Variants in RPS6KC1 observed in about 807,000 individuals in gnomAD.
RPS6KC1 encodes the protein inactive ribosomal protein S6 kinase delta-1.
In RPS6KC1, 54 loss-of-function variants were observed where a neutral mutation model predicts 103.8. The ratio of observed to expected loss-of-function variants is 0.52; its 90% CI spans 0.42 to 0.65. The LOEUF is 0.65. Among genes scored for constraint, RPS6KC1 ranks in the 30% least tolerant of loss-of-function variants. The probability of loss-of-function intolerance (pLI) is 0.00; values close to 1 mark genes in which losing one functional copy is unlikely to be tolerated. For missense variants in RPS6KC1, 1,151 were observed against 1,253.8 expected, an observed-to-expected ratio of 0.92 and a Z score of 1.24; for synonymous variants, 439 against 438.7, an observed-to-expected ratio of 1.00 and a Z score of -0.01.
the RPS6KC1 span, among the ~76,000 whole-genome samples, chr1:213,643,016 A>G: frequency 1.3e-5 from 2 of 151,782 alleles, no homozygotes; most frequent in Non-Finnish European, 2.9e-5. Context: ...GCTATATTTT[A>G]TTTCATTGGT....
intron 3 of RPS6KC1, among the ~76,000 whole-genome samples, chr1:213,078,994 T>C (rs1480321674): frequency 1.3e-5 from 2 of 152,204 alleles, no homozygotes; most frequent in Non-Finnish European, 2.9e-5. Context: ...TTTTTACCCA[T>C]CTATGTATAG....
At chr1:213,750,513 C>T in the RPS6KC1 span, among the ~76,000 whole-genome samples, 1 of 152,236 alleles carries the variant, frequency 6.6e-6, no homozygotes, top group East Asian at 1.9e-4. Flanking sequence ...AGGACCCCAG[C>T]CAGGGTGCTG....
At chr1:213,289,616 C>T in the RPS6KC1 span, among the ~76,000 whole-genome samples, 1 of 152,158 alleles carries the variant, frequency 6.6e-6, no homozygotes, top group Non-Finnish European at 1.5e-5. Context: ...ATGGGTGTAG[C>T]ATAACTGAAG....
At chr1:213,392,377 C>T in the RPS6KC1 span, among the ~76,000 whole-genome samples, 2 of 151,954 alleles carry the variant, frequency 1.3e-5, no homozygotes, top group African/African-American at 2.4e-5. Context: ...GCAGCAAAAG[C>T]ACCAGGGTGG....
At chr1:213,387,026 G>T in the RPS6KC1 span, among the ~76,000 whole-genome samples, 1 of 152,178 alleles carries the variant, frequency 6.6e-6, no homozygotes, top group African/African-American at 2.4e-5. Flanking sequence ...ACCAACTATT[G>T]CTAGAGCGCC....
Position 213,241,211 on chromosome 1 carries a change from G to T in RPS6KC1, c.1735G>T (p.Glu579Ter). The T allele has an allele frequency of 6.2e-7, 1 of 1,613,806 alleles. No homozygotes were observed. The highest frequency in any genetic ancestry group is 1.3e-5 in the African/African-American group (1 of 75,032). ...ELKFFPNDDP[E>*]AVSSPRTSDS... is the part of the protein sequence containing the mutation. ...GAAGTTCTTCCCCAACGATGACCCA[G>T]AAGCAGTTAGTTCTCCAAGAACATC... Residue 579 changes from glutamate (E) to a stop codon, truncating the protein, a stop_gained, in exon 11 of 15, where the codon GAA becomes TAA. Coordinates refer to ENST00000366960, the MANE Select transcript of RPS6KC1 (RefSeq NM_012424.6). LOFTEE classifies it high-confidence loss of function.
At chr1:213,523,716 A>G in the RPS6KC1 span, among the ~76,000 whole-genome samples, 2 of 152,218 alleles carry the variant, frequency 1.3e-5, no homozygotes, top group Non-Finnish European at 2.9e-5. Context: ...ATAGGCACAG[A>G]AAGTGTAATT....
At chr1:213,825,344 G>C in the RPS6KC1 span, among the ~76,000 whole-genome samples, 1 of 152,172 alleles carries the variant, frequency 6.6e-6, no homozygotes, top group East Asian at 1.9e-4. Flanking sequence ...GATACAGAAA[G>C]ATTTAAAGGC....
chr1:213,707,393 G>T, the RPS6KC1 span, among the ~76,000 whole-genome samples: 1 of 151,886 alleles, frequency 6.6e-6, no homozygotes, highest in Admixed American at 6.6e-5. Context: ...TTTTGATGGG[G>T]TTGTTTTTTT....
At chr1:213,587,059 C>T in the RPS6KC1 span, among the ~76,000 whole-genome samples, 29 of 152,200 alleles carry the variant, frequency 1.9e-4, no homozygotes, top group African/African-American at 6.5e-4. Context: ...TCAGCAATAA[C>T]TCATCTATTC....
At chr1:213,451,044 G>A in the RPS6KC1 span, among the ~76,000 whole-genome samples, 1 of 152,088 alleles carries the variant, frequency 6.6e-6, no homozygotes, top group Non-Finnish European at 1.5e-5. Flanking sequence ...TCTTGGGTAA[G>A]TTTATTGGAA....
In RPS6KC1 at chr1:213,051,507, C is replaced by G. The variant is rs1361030233; in HGVS notation, c.103C>G (p.Arg35Gly). The part of the protein sequence containing the change: ...RGYTVYKVTA[R>G]VVSRRNPEDV... ...CTACACAGTATATAAGGTCACCGCC[C>G]GGGTGAGTGCCGGTGTCGGGCTGGG... Residue 35 changes from arginine to glycine, a missense_variant and splice_region_variant, in exon 1 of 15, where the codon CGG becomes GGG. Physicochemically the swap from Arg to Gly is moderately radical, Grantham distance 125. Around this residue, in one of 3 missense-constraint regions of RPS6KC1, gnomAD observed 959 missense variants for 1,006.3 expected, o/e 0.95. Transcript: ENST00000366960. 2.5e-6 allele frequency: 4 copies of G among 1,605,220 alleles called. No homozygotes were observed. The highest frequency in any genetic ancestry group is 2.7e-5 in the African/African-American group (2 of 74,596).
intron 8 of RPS6KC1, among the ~76,000 whole-genome samples, chr1:213,222,147 G>GT (rs1310032739): frequency 6.6e-6 from 1 of 152,146 alleles, no homozygotes; most frequent in Non-Finnish European, 1.5e-5. Flanking sequence ...TGAGCAGTGG[G>GT]TACAGGGAAC....
At chr1:213,592,521 A>G in the RPS6KC1 span, among the ~76,000 whole-genome samples, 4 of 152,212 alleles carry the variant, frequency 2.6e-5, no homozygotes, top group Non-Finnish European at 4.4e-5. Flanking sequence ...TAGGGGTAGC[A>G]GGTGCTCTCC....
chr1:213,553,742 ATC>A, the RPS6KC1 span, among the ~76,000 whole-genome samples: 1 of 152,080 alleles, frequency 6.6e-6, no homozygotes, highest in African/African-American at 2.4e-5. Flanking sequence ...GTGAGATACT[ATC>A]TCATTGTGGT....
At chr1:213,172,977 CA>C (rs2091592073) in intron 7 of RPS6KC1, among the ~76,000 whole-genome samples, 1 of 152,164 alleles carries the variant, frequency 6.6e-6, no homozygotes, top group Non-Finnish European at 1.5e-5. Flanking sequence ...CGCAATGGGC[CA>C]AGTTTCCCCT....
At chr1:213,602,028 CTCTTTCTCTT>C in the RPS6KC1 span, among the ~76,000 whole-genome samples, 1 of 11,898 alleles carries the variant, frequency 8.4e-5, no homozygotes, top group African/African-American at 2.0e-4. Context: ...TTCTTTCTTT[CTCTTTCTCTT>C]TCTTTCTTTC....
the RPS6KC1 span, among the ~76,000 whole-genome samples, chr1:213,649,307 C>T: frequency 6.6e-6 from 1 of 151,894 alleles, no homozygotes; most frequent in African/African-American, 2.4e-5. Flanking sequence ...TAACTAATGC[C>T]TGATCATCTT....
chr1:213,785,630 G>A, the RPS6KC1 span, among the ~76,000 whole-genome samples: 2 of 152,058 alleles, frequency 1.3e-5, no homozygotes, highest in East Asian at 3.9e-4. Flanking sequence ...TGAATGATTA[G>A]CAATGCCTGC....
Sources: gnomAD v4.1 joint callset for allele counts (sites outside exome capture counted in the v4.1 genomes callset) on GRCh38, gnomAD v4.1.1 for gene constraint, gnomAD v4.1.1 regional missense constraint, MANE v1.5 for transcripts, NCBI Gene and HGNC (gene_info 2026-07-23, HGNC 2026-07-21) for gene names.